ANKRD36: variants seen among roughly 807,000 people sequenced by gnomAD.
ANKRD36 encodes ankyrin repeat domain 36.
A neutral mutation model predicts 278.1 loss-of-function variants in ANKRD36; 179 were observed. The ratio of observed to expected loss-of-function variants is 0.64; its 90% CI spans 0.57 to 0.73. The LOEUF (loss-of-function observed/expected upper bound fraction) is 0.73, where lower values mean the gene tolerates loss of function less well. Among genes scored for constraint, ANKRD36 ranks in the 30% least tolerant of loss-of-function variants. The pLI is 0.00. For missense variants in ANKRD36, 1,159 were observed against 1,956.7 expected, an observed-to-expected ratio of 0.59 and a Z score of 7.69; for synonymous variants, 320 against 641.1, an observed-to-expected ratio of 0.50 and a Z score of 7.57.
At chr2:97,204,138 A>C in intron 49 of ANKRD36, 42 bp downstream of exon 49, 1 of 1,571,792 alleles carries the variant, frequency 6.4e-7, no homozygotes, top group Non-Finnish European at 8.6e-7. Context: ...GTAAATGTAT[A>C]GTCTACGAAA....
chr2:97,220,051 CTGTGTGTG>C (rs71274689), intron 66 of ANKRD36, among the ~76,000 whole-genome samples: 119 of 111,114 alleles, frequency 1.1e-3, no homozygotes, highest in African/African-American at 5.5e-3. Flanking sequence ...GATTAGCACA[CTGTGTGTG>C]TGTGTGTGTG....
Position 97,113,614 on chromosome 2 carries a change from G to T in ANKRD36, c.-126G>T. 1 of 1,224,846 alleles carries T rather than the reference G, an allele frequency of 8.2e-7. No individual in the cohort carries two copies. Among genetic ancestry groups the T allele is most frequent in the Non-Finnish European group, 1.1e-6 (1 of 874,310 alleles). 75.9% of individuals were successfully genotyped at this position (1,224,846 alleles called of 1,614,324 possible). A position where few individuals can be genotyped will look rare whatever the true frequency, so the allele number is the denominator to read the frequency against. ...GTTGGGCGTTTCTGCTGAGAGGCGG[G>T]AGGCGCTGAGAGTCTGTGCGGAGGT... On this transcript the variant is annotated 5_prime_UTR_variant, in exon 1 of 76. Coordinates refer to ENST00000420699, the MANE Select transcript of ANKRD36 (RefSeq NM_001354587.1).
chr2:97,127,798 C>T (rs1486234175), intron 6 of ANKRD36, among the ~76,000 whole-genome samples: 1 of 151,844 alleles, frequency 6.6e-6, no homozygotes, highest in East Asian at 1.9e-4. Flanking sequence ...CTTTTTCTTG[C>T]CCGCATGCCT....
At chr2:97,144,113 TG>T (rs2043615713) in intron 8 of ANKRD36, among the ~76,000 whole-genome samples, 2 of 152,166 alleles carry the variant, frequency 1.3e-5, no homozygotes, top group South Asian at 4.1e-4. Context: ...TGTAGTATAA[TG>T]GTATAAATCC....
chr2:97,123,890 A>C (rs2037722455), intron 4 of ANKRD36, among the ~76,000 whole-genome samples: 1 of 143,152 alleles, frequency 7.0e-6, no homozygotes, highest in Non-Finnish European at 1.5e-5. Flanking sequence ...ATATATACTA[A>C]TTTTATATAT....
intron 34 of ANKRD36, among the ~76,000 whole-genome samples, chr2:97,190,484 G>C (rs568090633): frequency 4.8e-4 from 73 of 151,766 alleles, no homozygotes; most frequent in African/African-American, 1.7e-3. Flanking sequence ...GAAGAGATGC[G>C]AAGTGTACTT....
At chr2:97,120,917 C>T (rs575011904) in intron 3 of ANKRD36, among the ~76,000 whole-genome samples, 6,655 of 151,942 alleles carry the variant, frequency 0.044, 476 homozygotes, top group African/African-American at 0.15. Context: ...ATCTGGTGTC[C>T]CTTGAGCCTA....
chr2:97,157,858 A>G (rs910283297), intron 15 of ANKRD36, among the ~76,000 whole-genome samples: 6 of 151,910 alleles, frequency 3.9e-5, no homozygotes, highest in African/African-American at 1.5e-4. Flanking sequence ...AAACTAATGG[A>G]TATCATAGTA....
rs190265660 is a variant in ANKRD36, at chr2:97,178,373, G to A, written c.1634-1365G>A. Among the ~76,000 whole-genome samples the A allele has an allele frequency of 1.1e-3, 167 of 152,012 alleles. 1 individual carries two copies. The South Asian group carries it at 0.013, about 11-fold the overall frequency. On this transcript the variant is annotated intron_variant, in intron 22 of 75. Coordinates refer to ENST00000420699, the MANE Select transcript of ANKRD36 (RefSeq NM_001354587.1). ...AAATCACGCTGCTATAAAGACACATGCACACGCATGCTTATTACGGCATTA... is the reference window on the plus strand; with the variant it reads ...AAATCACGCTGCTATAAAGACACATACACACGCATGCTTATTACGGCATTA...
At chr2:97,154,959 G>A (rs2047095757) in intron 15 of ANKRD36, among the ~76,000 whole-genome samples, 1 of 144,362 alleles carries the variant, frequency 6.9e-6, no homozygotes, top group Admixed American at 6.9e-5. Flanking sequence ...TACTTTGAGA[G>A]GTGTGATCTG....
intron 32 of ANKRD36, among the ~76,000 whole-genome samples, chr2:97,187,650 A>T (rs1393485007): frequency 6.6e-6 from 1 of 151,796 alleles, no homozygotes; most frequent in African/African-American, 2.4e-5. Context: ...ATATGGAGAG[A>T]GGTTCAAGAC....
chr2:97,160,292 A>C (rs552151778), intron 17 of ANKRD36, among the ~76,000 whole-genome samples: 1 of 152,410 alleles, frequency 6.6e-6, no homozygotes, highest in East Asian at 1.9e-4. Context: ...CAAAGTACCT[A>C]TTTTTATAGA....
At chr2:97,218,498 T>C (rs1466959895) in intron 64 of ANKRD36, among the ~76,000 whole-genome samples, 1 of 150,562 alleles carries the variant, frequency 6.6e-6, no homozygotes, top group Non-Finnish European at 1.5e-5. Context: ...TATTAACTAC[T>C]AGGATTCACC....
At chr2:97,210,159 T>C (rs113295012) in intron 56 of ANKRD36, among the ~76,000 whole-genome samples, 3,954 of 151,528 alleles carry the variant, frequency 0.026, 83 homozygotes, top group African/African-American at 0.091. Flanking sequence ...ACTTTAATTC[T>C]ACAGCTTGTT....
intron 64 of ANKRD36, among the ~76,000 whole-genome samples, chr2:97,218,727 G>T (rs2153644464): frequency 6.6e-6 from 1 of 152,194 alleles, no homozygotes. Context: ...TATTTCTAGG[G>T]TTATGACTTG....
chr2:97,195,958 G>T (rs1425388751), intron 40 of ANKRD36, among the ~76,000 whole-genome samples: 2 of 151,946 alleles, frequency 1.3e-5, no homozygotes, highest in Non-Finnish European at 2.9e-5. Context: ...AGAAACATTT[G>T]GAAGGCTAAA....
intron 6 of ANKRD36, among the ~76,000 whole-genome samples, chr2:97,128,057 C>T (rs1455747473): frequency 6.6e-6 from 1 of 151,684 alleles, no homozygotes; most frequent in Non-Finnish European, 1.5e-5. Flanking sequence ...CATAGGTTTC[C>T]GGGTTGTGTA....
chr2:97,176,289 T>C (rs933985804), intron 22 of ANKRD36, among the ~76,000 whole-genome samples: 8 of 149,540 alleles, frequency 5.3e-5, no homozygotes, highest in African/African-American at 1.7e-4. Flanking sequence ...CAGGACTTGC[T>C]TTATGAATCT....
At chr2:97,145,730 T>C (rs1030268670) in intron 10 of ANKRD36, among the ~76,000 whole-genome samples, 2 of 152,068 alleles carry the variant, frequency 1.3e-5, no homozygotes, top group Non-Finnish European at 2.9e-5. Flanking sequence ...TATAATACCT[T>C]GTTCCCATTG....
Sources: allele counts gnomAD v4.1 joint callset (sites outside exome capture counted in the v4.1 genomes callset), GRCh38; gene constraint gnomAD v4.1.1; transcripts MANE v1.5; gene names NCBI Gene and HGNC (gene_info 2026-07-23, HGNC 2026-07-21).